LMBR1: variants seen among roughly 807,000 people sequenced by gnomAD.
LMBR1 encodes limb development membrane protein 1, also known as limb region 1 protein homolog.
LMBR1 carries 52 observed loss-of-function variants against 73.9 expected under a neutral mutation model. That is an observed-to-expected ratio of 0.70 (90% CI 0.56 to 0.89). LMBR1 has a LOEUF of 0.89. Ranked by LOEUF, LMBR1 falls within the 40% of genes least tolerant of loss-of-function variation. The probability of loss-of-function intolerance (pLI) is 0.00; values close to 1 mark genes in which losing one functional copy is unlikely to be tolerated. For missense variants in LMBR1, 539 were observed against 579.8 expected (o/e 0.93, Z 0.72); for synonymous variants, 215 against 209.4 (o/e 1.03, Z -0.23).
downstream of LMBR1, among the ~76,000 whole-genome samples, chr7:156,674,876 C>T (rs192689299): frequency 3.0e-4 from 45 of 152,282 alleles, 1 homozygote; most frequent in African/African-American, 1.0e-3. Context: ...GCTGATCCTG[C>T]GAAATTCGAA....
intron 5 of LMBR1, among the ~76,000 whole-genome samples, chr7:156,790,562 G>A (rs1423067048): frequency 6.6e-6 from 1 of 151,902 alleles, no homozygotes; most frequent in African/African-American, 2.4e-5. Context: ...AGGCAAAGAT[G>A]AACATACTAT....
At position 156,708,263 on chromosome 7, in the gene LMBR1, A is replaced by C. The variant is rs191607901; in HGVS notation, c.1225+15849T>G. 2.9e-4 allele frequency among the ~76,000 whole-genome samples: 44 copies of C among 152,346 alleles called. 1 individual carries two copies. Among genetic ancestry groups the C allele is most frequent in the African/African-American group, 9.1e-4 (38 of 41,578 alleles). ...AAACAAAGAATTCACGAATCCTTTG[A>C]AAGAAGCAGCATATCATTGCAAATT... On this transcript the variant is annotated intron_variant, in intron 15 of 16. Coordinates refer to ENST00000353442, the MANE Select transcript of LMBR1 (RefSeq NM_022458.4).
In LMBR1 at chr7:156,763,747, CAAG is replaced by C. The variant is rs1823564389; in HGVS notation, c.469_471del (p.Leu157del). 12 of 1,605,206 alleles carry C rather than the reference CAAG, an allele frequency of 7.5e-6. No individual in the cohort carries two copies. Among genetic ancestry groups the C allele is most frequent in the Admixed American group, 3.5e-5 (2 of 57,134 alleles). ...CACACTATCCCAAGAATGAGTAACGCAAGAAGAAGAAGCATGACCAAAGTCTCT... is the reference window on the plus strand; with the variant it reads ...CACACTATCCCAAGAATGAGTAACGCAAGAAGAAGCATGACCAAAGTCTCT... On this transcript the variant is annotated inframe_deletion, in exon 6 of 17. Transcript: ENST00000353442.
At chr7:156,818,524 A>C (rs1586007561) in intron 4 of LMBR1, among the ~76,000 whole-genome samples, 1 of 152,250 alleles carries the variant, frequency 6.6e-6, no homozygotes, top group East Asian at 1.9e-4. Context: ...TAACTCCATC[A>C]TTTTCCTATC....
chr7:156,824,715 C>T (rs368891514), intron 4 of LMBR1, among the ~76,000 whole-genome samples: 1 of 152,000 alleles, frequency 6.6e-6, no homozygotes, highest in African/African-American at 2.4e-5. Flanking sequence ...CGTGGTGTCA[C>T]ACACCTGCAG....
At chr7:156,858,271 C>A (rs1797252850) in intron 1 of LMBR1, among the ~76,000 whole-genome samples, 1 of 151,992 alleles carries the variant, frequency 6.6e-6, no homozygotes, top group South Asian at 2.1e-4. Context: ...CCTGTTTCCA[C>A]AGACACCAAA....
chr7:156,717,833 T>C (rs2132277743), intron 15 of LMBR1, among the ~76,000 whole-genome samples: 1 of 152,252 alleles, frequency 6.6e-6, no homozygotes, highest in South Asian at 2.1e-4. Flanking sequence ...GATTTTAAAA[T>C]TTTCTACAAA....
At chr7:156,730,869 G>A (rs547924546) in intron 10 of LMBR1, among the ~76,000 whole-genome samples, 29 of 152,220 alleles carry the variant, frequency 1.9e-4, no homozygotes, top group Non-Finnish European at 1.8e-4. Flanking sequence ...CCATGAGGTG[G>A]AGGTTGCAGT....
chr7:156,788,622 TA>T (rs1281273771), intron 5 of LMBR1, among the ~76,000 whole-genome samples: 1 of 126,052 alleles, frequency 7.9e-6, no homozygotes, highest in East Asian at 3.0e-4. Flanking sequence ...TATCTTGTTT[TA>T]AAGAAAAAAA....
chr7:156,855,687 A>C (rs368683242), intron 1 of LMBR1, among the ~76,000 whole-genome samples: 13 of 141,424 alleles, frequency 9.2e-5, no homozygotes, highest in Admixed American at 7.1e-4. Context: ...AAAAAAAAAA[A>C]CCTATGTCTA....
At chr7:156,865,124 T>C (rs1054096547) in intron 1 of LMBR1, among the ~76,000 whole-genome samples, 2 of 150,938 alleles carry the variant, frequency 1.3e-5, no homozygotes, top group African/African-American at 2.4e-5. Flanking sequence ...CTGGGCAACA[T>C]AGAGAGACGC....
At chr7:156,790,691 G>C (rs1353594055) in intron 5 of LMBR1, among the ~76,000 whole-genome samples, 1 of 151,638 alleles carries the variant, frequency 6.6e-6, no homozygotes, top group Non-Finnish European at 1.5e-5. Context: ...TGCCCTCCTA[G>C]ATCCAACTGT....
chr7:156,891,966 T>TC (rs1785644083), intron 1 of LMBR1, among the ~76,000 whole-genome samples: 2 of 152,334 alleles, frequency 1.3e-5, no homozygotes, highest in South Asian at 4.1e-4. Context: ...TGTGACTGAA[T>TC]CGTAGACAAC....
chr7:156,738,319 C>G lies in LMBR1; in HGVS notation c.758-4062G>C, dbSNP rs1818272465. Among the ~76,000 whole-genome samples, 6 of 152,308 alleles carry G rather than the reference C, an allele frequency of 3.9e-5. No individual in the cohort carries two copies. The South Asian group carries it at 1.2e-3, about 32-fold the overall frequency. ...CCTAGCCAGAAAGAAATTCCCCATC[C>G]CAGTGGTCAAAACTTGAGCTTCTCA... On this transcript the variant is annotated intron_variant, in intron 9 of 16. Coordinates refer to ENST00000353442, the MANE Select transcript of LMBR1 (RefSeq NM_022458.4).
intron 3 of LMBR1, among the ~76,000 whole-genome samples, chr7:156,829,053 G>A (rs548739200): frequency 2.0e-5 from 3 of 151,970 alleles, no homozygotes; most frequent in South Asian, 2.1e-4. Flanking sequence ...AAAATCAAAC[G>A]TTTAGCCAAC....
chr7:156,795,088 TA>T (rs996231646), intron 5 of LMBR1, among the ~76,000 whole-genome samples: 2 of 152,152 alleles, frequency 1.3e-5, no homozygotes, highest in Non-Finnish European at 2.9e-5. Context: ...CTCCAGTATC[TA>T]AGTACCGGCC....
intron 5 of LMBR1, among the ~76,000 whole-genome samples, chr7:156,793,144 A>T (rs773689318): frequency 6.6e-6 from 1 of 152,238 alleles, no homozygotes; most frequent in Non-Finnish European, 1.5e-5. Context: ...GTGATCAATC[A>T]TAACATTAAT....
intron 15 of LMBR1, among the ~76,000 whole-genome samples, chr7:156,705,075 T>A (rs1810637626): frequency 6.6e-6 from 1 of 152,126 alleles, no homozygotes; most frequent in Non-Finnish European, 1.5e-5. Flanking sequence ...GACATCCAAA[T>A]ACAGGAGGTC....
chr7:156,703,008 A>G (rs1037363876), intron 15 of LMBR1, among the ~76,000 whole-genome samples: 25 of 152,246 alleles, frequency 1.6e-4, no homozygotes, highest in African/African-American at 6.0e-4. Flanking sequence ...GGAAGAGTGT[A>G]AGTGAGTGTC....
Sources: allele counts gnomAD v4.1 joint callset (sites outside exome capture counted in the v4.1 genomes callset), GRCh38; gene constraint gnomAD v4.1.1; transcripts MANE v1.5; gene names NCBI Gene and HGNC (gene_info 2026-07-23, HGNC 2026-07-21).